ACOXL: variants seen among roughly 807,000 people sequenced by gnomAD.
The protein encoded by ACOXL is acyl-coenzyme A oxidase-like protein.
In ACOXL, 70 loss-of-function variants were observed where a neutral mutation model predicts 71.9. That is an observed-to-expected ratio of 0.97 (90% CI 0.80 to 1.19). The LOEUF (loss-of-function observed/expected upper bound fraction) is 1.19. Among genes scored for constraint, ACOXL ranks in the 50% most tolerant of loss-of-function variants. The pLI is 0.00. For synonymous variants in ACOXL, 253 were observed against 281.6 expected (o/e 0.90, Z 1.02); for missense variants, 703 against 736.3 (o/e 0.95, Z 0.52).
chr2:110,962,901 A>G (rs2061756792), intron 12 of ACOXL, among the ~76,000 whole-genome samples: 1 of 152,194 alleles, frequency 6.6e-6, no homozygotes, highest in Admixed American at 6.5e-5. Context: ...TGGGGAAAAC[A>G]AAGAGCTGGA....
rs567054895 is a variant in ACOXL at position 110,865,479 on chromosome 2, C to T, written c.788+24074C>T. On this transcript the variant is annotated intron_variant, in intron 10 of 17. Coordinates refer to ENST00000439055, the MANE Select transcript of ACOXL (RefSeq NM_001142807.4). Reference sequence around the variant, plus strand: ...CAATTCTGTGAAGAATAGGATGTTTCGAAGGAGTGATGAGTCACCTTTTAT... The same window carrying T: ...CAATTCTGTGAAGAATAGGATGTTTTGAAGGAGTGATGAGTCACCTTTTAT... Among the ~76,000 whole-genome samples, 18 of 152,302 alleles carry T rather than the reference C, an allele frequency of 1.2e-4. No individual in the cohort carries two copies. In the South Asian group the frequency reaches 1.7e-3, roughly 14 times the overall value.
intron 4 of ACOXL, 39 bp downstream of exon 4, chr2:110,793,775 C>A (rs1400427560): frequency 1.2e-5 from 18 of 1,517,740 alleles, no homozygotes; most frequent in Non-Finnish European, 1.5e-5. Context: ...CTATGGAGAG[C>A]CTTAAAAATC....
chr2:111,074,926 A>G (rs1386779882), intron 16 of ACOXL, among the ~76,000 whole-genome samples: 1 of 152,210 alleles, frequency 6.6e-6, no homozygotes, highest in African/African-American at 2.4e-5. Context: ...TTGCATTCCT[A>G]GGATAAAGTC....
At chr2:110,942,143 T>C (rs2060891331) in intron 12 of ACOXL, among the ~76,000 whole-genome samples, 1 of 152,136 alleles carries the variant, frequency 6.6e-6, no homozygotes, top group Non-Finnish European at 1.5e-5. Context: ...ATGTATAAGG[T>C]AGGAAAAGAA....
At chr2:110,877,963 A>G (rs1696132659) in intron 10 of ACOXL, among the ~76,000 whole-genome samples, 2 of 152,244 alleles carry the variant, frequency 1.3e-5, no homozygotes, top group African/African-American at 4.8e-5. Context: ...GGGCACAGGC[A>G]CTGGAAGGTT....
chr2:110,738,349 T>A (rs1265792220), intron 1 of ACOXL, among the ~76,000 whole-genome samples: 1 of 152,222 alleles, frequency 6.6e-6, no homozygotes, highest in Non-Finnish European at 1.5e-5. Context: ...TAGCCATAGA[T>A]AACCAAAACA....
chr2:111,072,172 A>G (rs1216041711), intron 16 of ACOXL, among the ~76,000 whole-genome samples: 2 of 152,214 alleles, frequency 1.3e-5, no homozygotes, highest in African/African-American at 2.4e-5. Context: ...CACGAAATAT[A>G]TGTATATGTA....
chr2:110,803,975 A>C (rs1444493688), intron 8 of ACOXL, among the ~76,000 whole-genome samples: 2 of 150,100 alleles, frequency 1.3e-5, no homozygotes, highest in Non-Finnish European at 3.0e-5. Context: ...CTCTGCACCT[A>C]CTAGGATGTC....
At chr2:110,735,543 C>G (rs1676724007) in intron 1 of ACOXL, among the ~76,000 whole-genome samples, 1 of 152,244 alleles carries the variant, frequency 6.6e-6, no homozygotes. Context: ...TGGGTGGCCA[C>G]TCTCCTCAGA....
chr2:111,058,298 G>C (rs1227397917), intron 16 of ACOXL, among the ~76,000 whole-genome samples: 1 of 152,176 alleles, frequency 6.6e-6, no homozygotes, highest in Non-Finnish European at 1.5e-5. Context: ...AGAGCACGGA[G>C]AAATTCCATC....
intron 10 of ACOXL, among the ~76,000 whole-genome samples, chr2:110,879,263 G>A (rs1394920330): frequency 6.6e-6 from 1 of 152,128 alleles, no homozygotes; most frequent in Non-Finnish European, 1.5e-5. Context: ...TGAAGAGCAG[G>A]TTGCCCAAGA....
chr2:110,855,935 A>G (rs1294527426), intron 10 of ACOXL, among the ~76,000 whole-genome samples: 2 of 152,108 alleles, frequency 1.3e-5, no homozygotes, highest in African/African-American at 2.4e-5. Flanking sequence ...TGGGGTGGCC[A>G]GCTTTTATTC....
intron 1 of ACOXL, among the ~76,000 whole-genome samples, chr2:110,734,709 G>T (rs1275334224): frequency 6.6e-6 from 1 of 151,892 alleles, no homozygotes; most frequent in Non-Finnish European, 1.5e-5. Flanking sequence ...TTTCAGTTTA[G>T]ATAACTGCAG....
chr2:110,999,892 C>T (rs2063546106), intron 14 of ACOXL, among the ~76,000 whole-genome samples: 1 of 152,198 alleles, frequency 6.6e-6, no homozygotes, highest in Non-Finnish European at 1.5e-5. Context: ...GCCAGAACCA[C>T]ACCATCAAGC....
intron 16 of ACOXL, among the ~76,000 whole-genome samples, chr2:111,077,867 T>G (rs2067681757): frequency 6.6e-6 from 1 of 152,202 alleles, no homozygotes; most frequent in Non-Finnish European, 1.5e-5. Context: ...TCCAGATGTT[T>G]GATTATGATG....
At chr2:110,828,815 T>C (rs1279011639) in intron 9 of ACOXL, among the ~76,000 whole-genome samples, 4 of 151,744 alleles carry the variant, frequency 2.6e-5, no homozygotes, top group Non-Finnish European at 5.9e-5. Flanking sequence ...ACTATCTTGC[T>C]ATTTTTTTTT....
At position 110,876,315 on chromosome 2, in the gene ACOXL, C is replaced by T. The variant is rs113175737; in HGVS notation, c.789-32474C>T. Among the ~76,000 whole-genome samples the T allele has an allele frequency of 6.2e-3, 943 of 152,280 alleles. 7 individuals are homozygous for T. Among genetic ancestry groups the T allele is most frequent in the African/African-American group, 0.021 (861 of 41,556 alleles). Reference sequence around the variant, plus strand: ...GCAGAGAAATGAGGTGGGCCAGCCACGGTGCCAGGGAGGGTTCTGGGCTGT... The same window carrying T: ...GCAGAGAAATGAGGTGGGCCAGCCATGGTGCCAGGGAGGGTTCTGGGCTGT... On this transcript the variant is annotated intron_variant, in intron 10 of 17. Transcript: ENST00000439055.
intron 9 of ACOXL, among the ~76,000 whole-genome samples, chr2:110,830,219 G>A (rs1490241250): frequency 6.6e-6 from 1 of 152,118 alleles, no homozygotes; most frequent in Non-Finnish European, 1.5e-5. Flanking sequence ...ATATTAATGA[G>A]TGAAAGTCTT....
At chr2:110,914,047 G>A (rs2059747893) in intron 11 of ACOXL, among the ~76,000 whole-genome samples, 1 of 152,044 alleles carries the variant, frequency 6.6e-6, no homozygotes, top group African/African-American at 2.4e-5. Context: ...TTCTCTTTTG[G>A]GTGATGAAAA....
Sources: gnomAD v4.1 joint callset for allele counts (sites outside exome capture counted in the v4.1 genomes callset) on GRCh38, gnomAD v4.1.1 for gene constraint, MANE v1.5 for transcripts, NCBI Gene and HGNC (gene_info 2026-07-23, HGNC 2026-07-21) for gene names.